RAPH1: variants seen among roughly 807,000 people sequenced by gnomAD.
The protein encoded by RAPH1 is ras-associated and pleckstrin homology domains-containing protein 1.
Under a neutral mutation model 88.1 loss-of-function variants are expected in RAPH1, and 18 were observed. The ratio of observed to expected loss-of-function variants is 0.20; its 90% CI spans 0.14 to 0.30. The LOEUF is 0.30. Among genes scored for constraint, RAPH1 ranks in the 10% least tolerant of loss-of-function variants. The probability of loss-of-function intolerance (pLI) is 1.00; values close to 1 mark genes in which losing one functional copy is unlikely to be tolerated. For synonymous variants in RAPH1, 587 were observed against 559.0 expected, an observed-to-expected ratio of 1.05 and a Z score of -0.71; for missense variants, 1,448 against 1,543.2, an observed-to-expected ratio of 0.94 and a Z score of 1.03.
intron 1 of RAPH1, among the ~76,000 whole-genome samples, chr2:203,525,530 C>T (rs1345295052): frequency 1.3e-5 from 2 of 151,956 alleles, no homozygotes; most frequent in African/African-American, 4.8e-5. Flanking sequence ...AAAGGAACTA[C>T]TGATATAAGC....
At chr2:203,510,679 G>A (rs537317791) in intron 1 of RAPH1, among the ~76,000 whole-genome samples, 124 of 152,270 alleles carry the variant, frequency 8.1e-4, no homozygotes, top group Middle Eastern at 3.4e-3. Context: ...TGAGGTCTGG[G>A]AACTGTGACA....
chr2:203,490,031 A>G lies in RAPH1; in HGVS notation c.285T>C (p.Ser95=). ...DLDALMADLC[S]IEQELSSIGS... is the part of the protein sequence containing the mutation. ...CAATGCTGCTGAGCTCCTGCTCTAT[A>G]GAGCAAAGATCAGCCATCAAGGCAT... Residue 95 remains serine, a synonymous_variant, in exon 4 of 14, where the codon TCT becomes TCC. Coordinates refer to ENST00000319170, the MANE Select transcript of RAPH1 (RefSeq NM_213589.3). The G allele has an allele frequency of 6.2e-7, 1 of 1,614,216 alleles. No homozygotes were observed. The highest frequency in any genetic ancestry group is 8.5e-7 in the Non-Finnish European group (1 of 1,180,012).
In RAPH1 at chr2:203,434,056, CTA is replaced by C. The variant is rs372040819; in HGVS notation, c.*5379_*5380del. ...CTCTCTCATATATCTATCTATCTAT[CTA>C]TATATATATATATATATATATAGCT... On this transcript the variant is annotated 3_prime_UTR_variant, in exon 14 of 14. Coordinates refer to ENST00000319170, the MANE Select transcript of RAPH1 (RefSeq NM_213589.3). 5.8e-3 allele frequency: 842 copies of C among 145,258 alleles called. 5 individuals are homozygous for C. The highest frequency in any genetic ancestry group is 0.014 in the African/African-American group (560 of 39,294). The allele number at this position is 145,258 out of a possible 1,614,324, so 9.0% of individuals were successfully genotyped here.
intron 4 of RAPH1, among the ~76,000 whole-genome samples, chr2:203,487,768 A>G (rs914633712): frequency 1.8e-4 from 27 of 152,082 alleles, no homozygotes; most frequent in Non-Finnish European, 1.0e-4. Context: ...TATTCTTCAG[A>G]TTGATAAGAT....
At chr2:203,495,927 C>A (rs749727163) in intron 1 of RAPH1, among the ~76,000 whole-genome samples, 5 of 152,236 alleles carry the variant, frequency 3.3e-5, no homozygotes, top group Non-Finnish European at 7.3e-5. Context: ...CTCTACCTTA[C>A]TTCCTCATCA....
intron 1 of RAPH1, among the ~76,000 whole-genome samples, chr2:203,500,015 G>T (rs545448102): frequency 6.6e-6 from 1 of 152,222 alleles, no homozygotes; most frequent in South Asian, 2.1e-4. Context: ...ATTTCCATGG[G>T]TCTAGAGTGC....
Position 203,439,383 on chromosome 2 carries a change from T to G in RAPH1, c.*54A>C. 2.1e-4 allele frequency: 327 copies of G among 1,525,338 alleles called. No homozygotes were observed. Among genetic ancestry groups the G allele is most frequent in the Non-Finnish European group, 2.8e-4 (308 of 1,112,012 alleles). The allele number at this position is 1,525,338 out of a possible 1,614,324, so 94.5% of individuals were successfully genotyped here. ...ACACCTGAATTCACAGATGATCAGGTGAGCTGATTGTAGCAGTGATTACAG... is the reference window on the plus strand; with the variant it reads ...ACACCTGAATTCACAGATGATCAGGGGAGCTGATTGTAGCAGTGATTACAG... On this transcript the variant is annotated 3_prime_UTR_variant, in exon 14 of 14. Coordinates refer to ENST00000319170, the MANE Select transcript of RAPH1 (RefSeq NM_213589.3).
chr2:203,448,198 CCTATGAT>C lies in RAPH1; in HGVS notation c.1513-126_1513-120del. 1 of 848,586 alleles carries C rather than the reference CCTATGAT, an allele frequency of 1.2e-6. No homozygotes were observed. The highest frequency in any genetic ancestry group is 1.7e-6 in the Non-Finnish European group (1 of 581,574). The allele number at this position is 848,586 out of a possible 1,614,324, so 52.6% of individuals were successfully genotyped here. A position where few individuals can be genotyped will look rare whatever the true frequency, so the allele number is the denominator to read the frequency against. On this transcript the variant is annotated intron_variant, in intron 11 of 13. Coordinates refer to ENST00000319170, the MANE Select transcript of RAPH1 (RefSeq NM_213589.3). This position sits in a 1 kb window ranked among gnomAD's most constrained non-coding sequence, Gnocchi z 4.1. ...TTGATGGTCTGTATTAAAATTAATA[CCTATGAT>C]AGTTCAAAAATTCCTCTAATACCAT...
intron 1 of RAPH1, among the ~76,000 whole-genome samples, chr2:203,518,092 A>T (rs933217663): frequency 1.3e-5 from 2 of 152,148 alleles, no homozygotes; most frequent in Non-Finnish European, 2.9e-5. Flanking sequence ...AATTAAATTT[A>T]AAAAATCAAT....
At chr2:203,497,759 A>G (rs1688582555) in intron 1 of RAPH1, among the ~76,000 whole-genome samples, 1 of 152,212 alleles carries the variant, frequency 6.6e-6, no homozygotes, top group African/African-American at 2.4e-5. Context: ...TTCCCAATTC[A>G]TAAATGTGAT....
chr2:203,482,702 C>CT (rs1284300788), intron 4 of RAPH1, among the ~76,000 whole-genome samples: 2 of 151,972 alleles, frequency 1.3e-5, no homozygotes, highest in Admixed American at 6.6e-5. Flanking sequence ...ACTCAGGAAA[C>CT]TGAGGCAGGA....
intron 7 of RAPH1, among the ~76,000 whole-genome samples, chr2:203,458,853 C>A (rs1581276500): frequency 6.6e-6 from 1 of 151,956 alleles, no homozygotes; most frequent in Non-Finnish European, 1.5e-5. Flanking sequence ...AGCTCCGACT[C>A]CCGGATTCAC....
chr2:203,441,459 A>G (rs550557776), intron 13 of RAPH1, 46 bp from the exon 14 acceptor site: 1 of 1,490,910 alleles, frequency 6.7e-7, no homozygotes, highest in East Asian at 2.3e-5. Flanking sequence ...AAACACAACA[A>G]ACAAAACAGT....
intron 4 of RAPH1, among the ~76,000 whole-genome samples, chr2:203,466,979 A>C (rs1431477725): frequency 6.6e-6 from 1 of 152,216 alleles, no homozygotes; most frequent in Admixed American, 6.5e-5. Context: ...GTTCAGAACA[A>C]ACCCAGTTGA....
At chr2:203,470,398 C>A in intron 4 of RAPH1, 2 of 784,876 alleles carry the variant, frequency 2.5e-6, no homozygotes, top group Non-Finnish European at 4.2e-6. Context: ...ATAAAGTAGA[C>A]AAAGCAAGAA....
chr2:203,468,390 CCTTGA>C (rs1037728829), intron 4 of RAPH1, among the ~76,000 whole-genome samples: 5 of 152,164 alleles, frequency 3.3e-5, no homozygotes, highest in East Asian at 1.9e-4. Flanking sequence ...AAGCTCTTTT[CCTTGA>C]CTTATGTACA....
At chr2:203,532,639 G>T (rs1247341433) in intron 1 of RAPH1, among the ~76,000 whole-genome samples, 1 of 152,120 alleles carries the variant, frequency 6.6e-6, no homozygotes, top group African/African-American at 2.4e-5. Context: ...CACATATAAA[G>T]TGTTTAAAAC....
intron 1 of RAPH1, among the ~76,000 whole-genome samples, chr2:203,502,194 C>T (rs1349772130): frequency 6.6e-6 from 1 of 152,208 alleles, no homozygotes; most frequent in Non-Finnish European, 1.5e-5. Context: ...GAGCTGACAC[C>T]TGGAACTCAG....
chr2:203,451,136 G>C (rs2098514539), intron 10 of RAPH1, among the ~76,000 whole-genome samples: 1 of 151,924 alleles, frequency 6.6e-6, no homozygotes, highest in African/African-American at 2.4e-5. Context: ...CTTTCCTTAT[G>C]GTCATCCAGG....
Sources: gnomAD v4.1 joint callset for allele counts (sites outside exome capture counted in the v4.1 genomes callset) on GRCh38, gnomAD v4.1.1 for gene constraint, Gnocchi (gnomAD v3.1) non-coding constraint, MANE v1.5 for transcripts, NCBI Gene and HGNC (gene_info 2026-07-23, HGNC 2026-07-21) for gene names.